Variants in ABCC1 observed in about 807,000 individuals in gnomAD.
The protein encoded by ABCC1 is ATP binding cassette subfamily C member 1 (ABCC1 blood group).
A neutral mutation model predicts 172.9 loss-of-function variants in ABCC1; 83 were observed. That is an observed-to-expected ratio of 0.48 (90% confidence interval 0.40 to 0.58). ABCC1 has a LOEUF of 0.58. Ranked by LOEUF, ABCC1 falls within the 20% of genes least tolerant of loss-of-function variation. The pLI, the probability that ABCC1 is intolerant of heterozygous loss-of-function variation, is 0.00. For synonymous variants in ABCC1, 937 were observed against 825.2 expected (o/e 1.14, Z -2.32); for missense variants, 1,817 against 2,002.7 (o/e 0.91, Z 1.77).
At position 16,138,412 on chromosome 16, in the gene ABCC1, G is replaced by A. The variant is rs1159256142; in HGVS notation, c.4341G>A (p.Lys1447=). The A allele has an allele frequency of 7.5e-6, 12 of 1,609,274 alleles. No homozygotes were observed. The South Asian group carries it at 1.2e-4, about 16-fold the overall frequency. The change falls in exon 30 of 31, where the codon AAG becomes AAA. Residue 1447 remains lysine (K), a synonymous_variant. Transcript: ENST00000399410. The stretch of plus-strand genomic sequence containing the variant: ...GCCTAGCCCGGGCCCTGCTGAGGAA[G>A]ACGAAGATCCTTGTGTTGGATGAGG... ...LVCLARALLR[K]TKILVLDEAT... is the part of the protein sequence containing the mutation.
chr16:16,098,707 C>T (rs866208076), intron 19 of ABCC1, among the ~76,000 whole-genome samples: 3 of 152,214 alleles, frequency 2.0e-5, no homozygotes, highest in Non-Finnish European at 2.9e-5. Context: ...CCACCCAGCA[C>T]GTGTGGGATG....
At position 16,008,943 on chromosome 16, in the gene ABCC1, T is replaced by TTTG. The variant is rs1555481063; in HGVS notation, c.226-824_226-822dup. ...GTCACTGTTTCCTGTTTTTTTTTTT[T>TTTG]TTGTTGTTGTTTTTTGTTTTTTTTT... On this transcript the variant is annotated intron_variant, in intron 2 of 30. Transcript: ENST00000399410. Among the ~76,000 whole-genome samples, 337 of 145,824 alleles carry TTTG rather than the reference T, an allele frequency of 2.3e-3. 1 individual carries two copies. The highest frequency in any genetic ancestry group is 5.5e-3 in the Admixed American group (80 of 14,456).
At chr16:16,100,939 G>A (rs2051712848) in intron 19 of ABCC1, among the ~76,000 whole-genome samples, 1 of 152,094 alleles carries the variant, frequency 6.6e-6, no homozygotes, top group Non-Finnish European at 1.5e-5. Context: ...AGCAGGGACT[G>A]GGCTGGACAC....
chr16:16,129,644 C>T (rs577288753), intron 26 of ABCC1, among the ~76,000 whole-genome samples: 5 of 150,232 alleles, frequency 3.3e-5, no homozygotes, highest in South Asian at 2.1e-4. Context: ...TTCTAGTGAT[C>T]GTCGTGTCTC....
chr16:16,076,330 G>A lies in ABCC1; in HGVS notation c.1917G>A (p.Gly639=). The A allele has an allele frequency of 6.2e-7, 1 of 1,612,520 alleles. No homozygotes were observed. The highest frequency in any genetic ancestry group is 2.2e-5 in the East Asian group (1 of 44,796). The change falls in exon 15 of 31, where the codon GGG becomes GGA. Residue 639 remains glycine, a synonymous_variant. Transcript: ENST00000399410. ...SIERRPVKDG[G]GTNSITVRNA... is the part of the protein sequence containing the mutation. Reference sequence around the variant, plus strand: ...ACATGTCTCTGTGCTTTGTAGGCGGGGGCACGAACAGCATCACCGTGAGGA... The same window carrying A: ...ACATGTCTCTGTGCTTTGTAGGCGGAGGCACGAACAGCATCACCGTGAGGA...
At chr16:15,967,540 T>G (rs2046271322) in intron 1 of ABCC1, among the ~76,000 whole-genome samples, 1 of 151,486 alleles carries the variant, frequency 6.6e-6, no homozygotes, top group South Asian at 2.1e-4. Context: ...CCCAGGAGTT[T>G]GAGACCAGCC....
chr16:16,134,859 C>G (rs1348048808), intron 28 of ABCC1, among the ~76,000 whole-genome samples: 1 of 152,056 alleles, frequency 6.6e-6, no homozygotes, highest in Non-Finnish European at 1.5e-5. Flanking sequence ...CCAGGCTGCC[C>G]TTGAACTCCT....
At chr16:16,054,605 G>C (rs1379183347) in intron 11 of ABCC1, among the ~76,000 whole-genome samples, 1 of 151,600 alleles carries the variant, frequency 6.6e-6, no homozygotes, top group African/African-American at 2.4e-5. Context: ...GTAGGGTTGG[G>C]TGGGATGGGT....
chr16:15,972,360 AT>A (rs966788695), intron 1 of ABCC1, among the ~76,000 whole-genome samples: 1 of 152,094 alleles, frequency 6.6e-6, no homozygotes, highest in African/African-American at 2.4e-5. Context: ...AAAGGTATTC[AT>A]TTGTTTATTT....
chr16:16,079,573 C>A, intron 16 of ABCC1, 95 bp downstream of exon 16: 1 of 1,460,982 alleles, frequency 6.8e-7, no homozygotes, highest in South Asian at 1.4e-5. Flanking sequence ...GTCCCTGTGC[C>A]AGAAGCGAAA....
At chr16:15,980,021 C>T (rs1020915190) in intron 1 of ABCC1, among the ~76,000 whole-genome samples, 1 of 152,084 alleles carries the variant, frequency 6.6e-6, no homozygotes. Flanking sequence ...GCTAAAGAAA[C>T]AGTCTGGGGA....
chr16:16,090,678 G>A, intron 19 of ABCC1, 90 bp downstream of exon 19: 4 of 1,392,646 alleles, frequency 2.9e-6, no homozygotes. Context: ...CCAGCCACTT[G>A]GGGAAGGCGG....
intron 13 of ABCC1, among the ~76,000 whole-genome samples, chr16:16,070,383 G>A (rs1025464963): frequency 6.7e-6 from 1 of 149,342 alleles, no homozygotes; most frequent in African/African-American, 2.5e-5. Context: ...AAGAAACCAA[G>A]GTTGGGCGCA....
chr16:16,089,576 A>G (rs960372204), intron 18 of ABCC1, among the ~76,000 whole-genome samples: 7 of 151,774 alleles, frequency 4.6e-5, no homozygotes, highest in Middle Eastern at 3.4e-3. Flanking sequence ...GAAGAAAAAA[A>G]TTAAGCCATT....
rs193173827 is a variant in ABCC1 at position 16,103,011 on chromosome 16, G to A, written c.2735+294G>A. Among the ~76,000 whole-genome samples the A allele has an allele frequency of 1.4e-3, 217 of 152,258 alleles. 2 individuals are homozygous for A. The highest frequency in any genetic ancestry group is 2.2e-3 in the Non-Finnish European group (148 of 68,022). ...TGTGGGTCTTTGCTCAGGTCTCTTG[G>A]CGGGGCCTGGAAGGTTCAGGCTTTG... On this transcript the variant is annotated intron_variant, in intron 20 of 30. Transcript: ENST00000399410.
intron 21 of ABCC1, among the ~76,000 whole-genome samples, chr16:16,107,385 G>A (rs2052174966): frequency 6.6e-6 from 1 of 152,128 alleles, no homozygotes; most frequent in Non-Finnish European, 1.5e-5. Flanking sequence ...TGCCTCCTGG[G>A]TTCAAGCAGT....
At position 15,992,329 on chromosome 16, in the gene ABCC1, G is replaced by A. The variant is rs774343329; in HGVS notation, c.49-15487G>A. Among the ~76,000 whole-genome samples the A allele has an allele frequency of 5.8e-4, 88 of 152,064 alleles. 1 individual carries two copies. The highest frequency in any genetic ancestry group is 2.5e-4 in the Non-Finnish European group (17 of 68,014). ...AGTGCACAATAAATGTAATGCACTC[G>A]AATCATCCCCTACCCTGTCTGTGAA... On this transcript the variant is annotated intron_variant, in intron 1 of 30. Transcript: ENST00000399410.
intron 30 of ABCC1, among the ~76,000 whole-genome samples, chr16:16,139,062 C>T (rs1033743000): frequency 4.6e-5 from 7 of 152,322 alleles, no homozygotes; most frequent in Non-Finnish European, 7.4e-5. Flanking sequence ...AGCGCACCTG[C>T]GGTGTTCCCA....
chr16:16,014,172 G>A lies in ABCC1; in HGVS notation c.352-319G>A, dbSNP rs45573931. ...CCATTAAGAAATAGTGTGGCTGGGAGCAGTGGCTCACACCTGTAATCCCAG... is the reference window on the plus strand; with the variant it reads ...CCATTAAGAAATAGTGTGGCTGGGAACAGTGGCTCACACCTGTAATCCCAG... On this transcript the variant is annotated intron_variant, in intron 3 of 30. Transcript: ENST00000399410. 6.1e-3 allele frequency among the ~76,000 whole-genome samples: 924 copies of A among 152,290 alleles called. 10 individuals carry two copies. The highest frequency in any genetic ancestry group is 0.021 in the African/African-American group (885 of 41,564).
Sources: gnomAD v4.1 joint callset for allele counts (sites outside exome capture counted in the v4.1 genomes callset) on GRCh38, gnomAD v4.1.1 for gene constraint, MANE v1.5 for transcripts, NCBI Gene and HGNC (gene_info 2026-07-23, HGNC 2026-07-21) for gene names.